DOCK9: variants seen among roughly 807,000 people sequenced by gnomAD.
The protein encoded by DOCK9 is dedicator of cytokinesis 9.
DOCK9 carries 89 observed loss-of-function variants against 263.3 expected under a neutral mutation model. The observed-to-expected ratio is 0.34, with a 90% CI of 0.28 to 0.40. DOCK9 has a LOEUF of 0.40. Among genes scored for constraint, DOCK9 ranks in the 10% least tolerant of loss-of-function variants. The pLI, the probability that DOCK9 is intolerant of heterozygous loss-of-function variation, is 1.00. For missense variants in DOCK9, 2,140 were observed against 2,603.4 expected (o/e 0.82, Z 3.87); for synonymous variants, 976 against 973.1 (o/e 1.00, Z -0.06).
At chr13:99,059,369 T>G (rs1244094868) in intron 1 of DOCK9, among the ~76,000 whole-genome samples, 1 of 152,144 alleles carries the variant, frequency 6.6e-6, no homozygotes, top group Non-Finnish European at 1.5e-5. Flanking sequence ...CACCCATGGA[T>G]CAGCTGGGCA....
intron 43 of DOCK9, among the ~76,000 whole-genome samples, chr13:98,827,825 C>T (rs140013196): frequency 3.3e-5 from 5 of 152,300 alleles, no homozygotes; most frequent in Non-Finnish European, 5.9e-5. Context: ...AAACCAGACA[C>T]GGCAAGGGCA....
chr13:99,055,457 G>C (rs942619151), intron 1 of DOCK9, among the ~76,000 whole-genome samples: 6 of 152,164 alleles, frequency 3.9e-5, no homozygotes, highest in African/African-American at 1.4e-4. Context: ...TGCGGGGAAG[G>C]GGGCATCGCA....
rs1421979382 is a variant in DOCK9, at chr13:98,881,975, G to A, written c.2592C>T (p.Ile864=). 1 of 1,598,390 alleles carries A rather than the reference G, an allele frequency of 6.3e-7. No homozygotes were observed. Among genetic ancestry groups the A allele is most frequent in the Non-Finnish European group, 8.5e-7 (1 of 1,172,520 alleles). ...GGTTTAGGATAGTGGGCAAGAAGGC[G>A]ATCATCACGTGGCCTTCCATCGCAT... ...SLHAMEGHVM[I]AFLPTILNQL... is the part of the protein sequence containing the mutation. Residue 864 remains isoleucine, a synonymous_variant, in exon 24 of 53, where the codon ATC becomes ATT. Coordinates refer to ENST00000682017, the MANE Select transcript of DOCK9 (RefSeq NM_001366683.2).
At chr13:98,983,398 G>A (rs970961370) in intron 1 of DOCK9, among the ~76,000 whole-genome samples, 5 of 152,106 alleles carry the variant, frequency 3.3e-5, no homozygotes, top group Admixed American at 2.0e-4. Flanking sequence ...GCAAAACAGA[G>A]AGCAGAACGG....
chr13:98,977,654 G>A, intron 1 of DOCK9, 130 bp downstream of exon 1: 5 of 695,472 alleles, frequency 7.2e-6, no homozygotes, highest in Non-Finnish European at 9.3e-6. Flanking sequence ...GGAAAGAGTG[G>A]AGTTCACAAG....
intron 45 of DOCK9, among the ~76,000 whole-genome samples, chr13:98,823,516 C>T (rs2092388466): frequency 6.6e-6 from 1 of 152,200 alleles, no homozygotes; most frequent in Non-Finnish European, 1.5e-5. Context: ...AGACTGACTC[C>T]TTTCTTGGCT....
At chr13:98,970,285 A>T (rs1184351767) in intron 1 of DOCK9, among the ~76,000 whole-genome samples, 1 of 152,194 alleles carries the variant, frequency 6.6e-6, no homozygotes, top group Non-Finnish European at 1.5e-5. Context: ...GGCCTGAGCT[A>T]CCACGCCCCA....
At chr13:98,888,093 A>G (rs2046066389) in intron 18 of DOCK9, 65 bp downstream of exon 18, 1 of 1,125,598 alleles carries the variant, frequency 8.9e-7, no homozygotes, top group South Asian at 1.4e-5. Context: ...CGGTATCATG[A>G]AAGTGCATTT....
chr13:99,008,185 CCT>C (rs370963218), intron 1 of DOCK9, among the ~76,000 whole-genome samples: 2,400 of 100,862 alleles, frequency 0.024, 37 homozygotes, highest in Middle Eastern at 0.059. Context: ...TATTGTGCAG[CCT>C]CTCTCTCTCT....
chr13:98,876,123 AC>A (rs2043802752), intron 27 of DOCK9, among the ~76,000 whole-genome samples: 1 of 152,142 alleles, frequency 6.6e-6, no homozygotes, highest in Admixed American at 6.5e-5. Flanking sequence ...CACTGAAAGC[AC>A]TATCTGGCTG....
intron 22 of DOCK9, 111 bp from the exon 23 acceptor site, chr13:98,883,242 G>GTTGTTA: frequency 1.0e-6 from 1 of 978,214 alleles, no homozygotes; most frequent in Non-Finnish European, 1.5e-6. Context: ...TGTTGTTGTT[G>GTTGTTA]TTGTTGTTGT....
intron 6 of DOCK9, among the ~76,000 whole-genome samples, chr13:98,921,575 C>T (rs1272363003): frequency 6.6e-6 from 1 of 152,146 alleles, no homozygotes; most frequent in East Asian, 1.9e-4. Flanking sequence ...TTCCTCTGGT[C>T]CCACTTTTCT....
chr13:99,025,297 G>A (rs967028300), intron 1 of DOCK9: 11 of 152,122 alleles, frequency 7.2e-5, no homozygotes, highest in African/African-American at 1.9e-4. Flanking sequence ...GACTGGCATG[G>A]TCCCTGCACA....
At chr13:98,917,047 G>A (rs1235833468) in intron 7 of DOCK9, among the ~76,000 whole-genome samples, 1 of 151,980 alleles carries the variant, frequency 6.6e-6, no homozygotes, top group Non-Finnish European at 1.5e-5. Context: ...TTGAAGCCTT[G>A]GATACACTTT....
chr13:99,017,057 T>C (rs1566306006), intron 1 of DOCK9, among the ~76,000 whole-genome samples: 2 of 152,348 alleles, frequency 1.3e-5, no homozygotes, highest in East Asian at 3.9e-4. Context: ...TGTATTTTTA[T>C]GCAAAGTGTG....
chr13:98,933,275 A>G (rs2140341666), intron 2 of DOCK9, among the ~76,000 whole-genome samples: 1 of 152,310 alleles, frequency 6.6e-6, no homozygotes, highest in Non-Finnish European at 1.5e-5. Context: ...AACTTTAATT[A>G]TGGGACACTT....
chr13:98,943,882 T>G (rs996259132), intron 2 of DOCK9, among the ~76,000 whole-genome samples: 1 of 152,190 alleles, frequency 6.6e-6, no homozygotes, highest in Non-Finnish European at 1.5e-5. Flanking sequence ...CAGTATATAC[T>G]TCATAAATTT....
chr13:98,819,590 G>A (rs541714926), intron 45 of DOCK9, among the ~76,000 whole-genome samples: 10 of 152,144 alleles, frequency 6.6e-5, no homozygotes, highest in Non-Finnish European at 1.2e-4. Flanking sequence ...GCTGGCATCC[G>A]GCAAAGGCAG....
chr13:99,021,564 G>A (rs1209181142), intron 1 of DOCK9, among the ~76,000 whole-genome samples: 13 of 150,434 alleles, frequency 8.6e-5, no homozygotes, highest in South Asian at 2.1e-4. Flanking sequence ...GCGTGAACCC[G>A]GAAGGCAGAG....
Sources: allele counts gnomAD v4.1 joint callset (sites outside exome capture counted in the v4.1 genomes callset), GRCh38; gene constraint gnomAD v4.1.1; transcripts MANE v1.5; gene names NCBI Gene and HGNC (gene_info 2026-07-23, HGNC 2026-07-21).